The following PLTP variants were observed in gnomAD, a reference collection of about 807,000 sequenced individuals.
The protein encoded by PLTP is phospholipid transfer protein, also known as BPI fold containing family E.
Under a neutral mutation model 54.1 loss-of-function variants are expected in PLTP, and 43 were observed. The observed-to-expected ratio is 0.79, with a 90% CI of 0.62 to 1.02. The LOEUF (loss-of-function observed/expected upper bound fraction) is 1.02, where lower values mean the gene tolerates loss of function less well. Among genes scored for constraint, PLTP ranks in the 50% least tolerant of loss-of-function variants. The probability of loss-of-function intolerance (pLI) is 0.00; values close to 1 mark genes in which losing one functional copy is unlikely to be tolerated. For missense variants in PLTP, 604 were observed against 645.9 expected (o/e 0.94, Z 0.70); for synonymous variants, 263 against 264.6 (o/e 0.99, Z 0.06).
Position 45,904,979 on chromosome 20 carries a change from C to G in PLTP, c.845G>C (p.Arg282Pro). 6.2e-7 allele frequency: 1 copy of G among 1,614,232 alleles called. No individual in the cohort carries two copies. The highest frequency in any genetic ancestry group is 1.1e-5 in the South Asian group (1 of 91,092). ...CAGCAACAGCTGCAGGGCCCCCGCC[C>G]GGAAGTAGCTCTCCATGGCAGAGTC... is the stretch of plus-strand genomic sequence containing the variant. ...FFDSAMESYF[R>P]AGALQLLLVG... The change falls in exon 9 of 16, where the codon CGG becomes CCG. Residue 282 changes from arginine to proline, a missense_variant. Transcript: ENST00000372431.
At chr20:45,904,163 C>A (rs1240232269) in intron 10 of PLTP, among the ~76,000 whole-genome samples, 1 of 152,190 alleles carries the variant, frequency 6.6e-6, no homozygotes, top group Non-Finnish European at 1.5e-5. Flanking sequence ...TGAATTATTT[C>A]TTTTAAAATT....
At position 45,902,266 on chromosome 20, in the gene PLTP, C is replaced by T. The variant is rs1486826933; in HGVS notation, c.1175+1G>A. The T allele has an allele frequency of 1.2e-6, 2 of 1,613,702 alleles. No homozygotes were observed. Among genetic ancestry groups the T allele is most frequent in the African/African-American group, 2.7e-5 (2 of 74,954 alleles). ...AGGTGCAGGGAAGTGCGCCTGCCTA[C>T]CTGCGCAGGTCCAGCTGCGTGCGCA... On this transcript the variant is annotated splice_donor_variant, in intron 12 of 15. Coordinates refer to ENST00000372431, the MANE Select transcript of PLTP (RefSeq NM_006227.4). LOFTEE classifies it high-confidence loss of function.
At position 45,907,720 on chromosome 20, in the gene PLTP, C is replaced by T. The variant is rs564456380; in HGVS notation, c.585G>A (p.Leu195=). ...CPVLYHAGTV[L]LNSLLDTVPV... Reference sequence around the variant, plus strand: ...GCACGGTGTCCAGGAGGGAGTTGAGCAGGACCGTCCCTGCGTGGTAGAGGA... The same window carrying T: ...GCACGGTGTCCAGGAGGGAGTTGAGTAGGACCGTCCCTGCGTGGTAGAGGA... Residue 195 remains leucine (L), a synonymous_variant, in exon 7 of 16, where the codon CTG becomes CTA. Transcript: ENST00000372431. 7 of 1,613,854 alleles carry T rather than the reference C, an allele frequency of 4.3e-6. No homozygotes were observed. Among genetic ancestry groups the T allele is most frequent in the Non-Finnish European group, 5.1e-6 (6 of 1,179,982 alleles).
chr20:45,902,650 T>C lies in PLTP; in HGVS notation c.943-46A>G, dbSNP rs762283517. ...GCGGGTCAAGTCCCTGCCATTTCCT[T>C]TGGAGCCCCCAGGGAAGAAGGGGAA... On this transcript the variant is annotated intron_variant, in intron 10 of 15. Coordinates refer to ENST00000372431, the MANE Select transcript of PLTP (RefSeq NM_006227.4). The C allele has an allele frequency of 9.7e-6, 15 of 1,538,856 alleles. No homozygotes were observed. The African/African-American group carries it at 2.1e-4, about 21-fold the overall frequency.
intron 8 of PLTP, among the ~76,000 whole-genome samples, chr20:45,905,742 A>T (rs1390830327): frequency 6.6e-6 from 1 of 152,172 alleles, no homozygotes; most frequent in Admixed American, 6.5e-5. Flanking sequence ...CACCCGACTG[A>T]TTCTAGCTCC....
chr20:45,910,299 AC>A (rs1372605906), intron 3 of PLTP, among the ~76,000 whole-genome samples: 2 of 151,920 alleles, frequency 1.3e-5, no homozygotes, highest in African/African-American at 4.8e-5. Context: ...AATGAGCTTC[AC>A]CCCATCGCTT....
intron 2 of PLTP, 29 bp downstream of exon 2, chr20:45,911,324 G>A (rs964691787): frequency 3.7e-6 from 6 of 1,613,576 alleles, no homozygotes; most frequent in Non-Finnish European, 5.1e-6. Flanking sequence ...GTCCGCTCCC[G>A]TCCGTCCCTG....
At chr20:45,911,624 T>C in intron 1 of PLTP, 161 bp from the exon 2 acceptor site, 2 of 975,486 alleles carry the variant, frequency 2.1e-6, no homozygotes, top group Non-Finnish European at 3.0e-6. Flanking sequence ...ATGTGGAAAC[T>C]GAGGCTCAGA....
chr20:45,898,823 C>G lies in PLTP; in HGVS notation c.*118G>C. ...ATTAAATTGGGTACAGCTTCAAATC[C>G]CGTCTTCTCTGTGGCACTGGGGGTT... On this transcript the variant is annotated 3_prime_UTR_variant, in exon 16 of 16. Transcript: ENST00000372431. This position sits in a 1 kb window ranked among gnomAD's most constrained non-coding sequence, Gnocchi z 4.6. 2 of 1,175,584 alleles carry G rather than the reference C, an allele frequency of 1.7e-6. No homozygotes were observed. Among genetic ancestry groups the G allele is most frequent in the South Asian group, 3.0e-5 (2 of 67,404 alleles). 72.8% of individuals were successfully genotyped at this position (1,175,584 alleles called of 1,614,324 possible).
intron 4 of PLTP, 24 bp downstream of exon 4, chr20:45,909,918 C>G: frequency 6.2e-7 from 1 of 1,613,716 alleles, no homozygotes; most frequent in South Asian, 1.1e-5. Flanking sequence ...ACTCTCCACT[C>G]CCCTGAGGGT....
chr20:45,908,091 C>T (rs766327345), intron 5 of PLTP, among the ~76,000 whole-genome samples, 187 bp from the exon 6 acceptor site: 4 of 152,124 alleles, frequency 2.6e-5, no homozygotes, highest in Non-Finnish European at 1.5e-5. Context: ...TTCTCAAGAC[C>T]TCCTGACCTA....
chr20:45,909,758 T>C, intron 4 of PLTP, 87 bp from the exon 5 acceptor site: 1 of 1,509,970 alleles, frequency 6.6e-7, no homozygotes, highest in South Asian at 1.1e-5. Context: ...TTAATAAGGT[T>C]TCACCTCTTT....
At chr20:45,910,876 T>A (rs1474323127) in intron 3 of PLTP, 1 of 1,348,028 alleles carries the variant, frequency 7.4e-7, no homozygotes, top group Admixed American at 3.1e-5. Flanking sequence ...TCCACCTTTC[T>A]GTTGTTCTTC....
rs1173355487 is a variant in PLTP, at chr20:45,906,752, A to G, written c.614-393T>C. Among the ~76,000 whole-genome samples the G allele has an allele frequency of 5.1e-5, 7 of 137,260 alleles. 1 individual carries two copies. In the Admixed American group the frequency reaches 5.4e-4, roughly 11 times the overall value. 90.0% of individuals were successfully genotyped at this position (137,260 alleles called of 152,430 possible). A position where few individuals can be genotyped will look rare whatever the true frequency, so the allele number is the denominator to read the frequency against. On this transcript the variant is annotated intron_variant, in intron 7 of 15. Coordinates refer to ENST00000372431, the MANE Select transcript of PLTP (RefSeq NM_006227.4). The stretch of plus-strand genomic sequence containing the variant: ...CTAAAAATACAAAAATTAGTTGGGC[A>G]TGGTGGTGGGCGCCTGTAATCCCAG...
At chr20:45,903,580 A>C (rs1323871649) in intron 10 of PLTP, among the ~76,000 whole-genome samples, 1 of 152,172 alleles carries the variant, frequency 6.6e-6, no homozygotes, top group Non-Finnish European at 1.5e-5. Context: ...CAGTGAAGGA[A>C]TACTATAAGA....
At chr20:45,907,815 A>AC (rs1175967399) in intron 6 of PLTP, 26 bp downstream of exon 6, 1 of 1,605,866 alleles carries the variant, frequency 6.2e-7, no homozygotes, top group Non-Finnish European at 8.5e-7. Context: ...CACCCTTGCC[A>AC]CCCTGCGACC....
In PLTP at chr20:45,909,598, G is replaced by T. The variant is rs762281484; in HGVS notation, c.403C>A (p.Pro135Thr). ...IRTGLELSRD[P>T]AGRMKVSNVS... ...TTGGACACTTTCATCCGTCCAGCGG[G>T]ATCCCGGGAGAGCTCCAGACCAGTG... The change falls in exon 5 of 16, where the codon CCC becomes ACC. Residue 135 changes from proline (P) to threonine (T), a missense_variant. By Grantham distance (38) the Pro-to-Thr change is conservative (BLOSUM62 -1). Transcript: ENST00000372431. 26 of 1,614,036 alleles carry T rather than the reference G, an allele frequency of 1.6e-5. No individual in the cohort carries two copies. Among genetic ancestry groups the T allele is most frequent in the Non-Finnish European group, 1.7e-5 (20 of 1,180,018 alleles).
chr20:45,899,793 A>G, intron 13 of PLTP, 43 bp downstream of exon 13: 1 of 1,563,646 alleles, frequency 6.4e-7, no homozygotes, highest in Non-Finnish European at 8.7e-7. Context: ...GAGGGTCAGG[A>G]TCTCACGAAC....
chr20:45,910,792 A>C, intron 3 of PLTP: 1 of 1,163,672 alleles, frequency 8.6e-7, no homozygotes, highest in Non-Finnish European at 1.1e-6. Context: ...TAGAGCCTTC[A>C]GTTTCTCCAC....
Sources: allele counts gnomAD v4.1 joint callset (sites outside exome capture counted in the v4.1 genomes callset), GRCh38; gene constraint gnomAD v4.1.1; non-coding constraint Gnocchi (gnomAD v3.1); transcripts MANE v1.5; gene names NCBI Gene and HGNC (gene_info 2026-07-23, HGNC 2026-07-21).